Variants in GPC5 observed in about 807,000 individuals in gnomAD.
GPC5 encodes the protein glypican-5.
In GPC5, 47 loss-of-function variants were observed where a neutral mutation model predicts 53.9. The ratio of observed to expected loss-of-function variants is 0.87; its 90% CI spans 0.69 to 1.11. The LOEUF is 1.11. GPC5 is among the 50% of genes most tolerant of loss of function. GPC5 has a pLI of 0.00. For synonymous variants in GPC5, 286 were observed against 263.3 expected (o/e 1.09, Z -0.84); for missense variants, 748 against 713.1 (o/e 1.05, Z -0.56).
At chr13:91,982,483 G>GAA (rs530802836) in intron 6 of GPC5, among the ~76,000 whole-genome samples, 96 of 143,772 alleles carry the variant, frequency 6.7e-4, no homozygotes, top group African/African-American at 2.3e-3. Context: ...GTTGTTGAGT[G>GAA]AAAAAAAAAA....
intron 7 of GPC5, among the ~76,000 whole-genome samples, chr13:92,359,373 A>T (rs2043547831): frequency 1.3e-5 from 2 of 151,566 alleles, no homozygotes; most frequent in Admixed American, 6.6e-5. Flanking sequence ...TGGTCACAAC[A>T]ATTTAACAAA....
intron 6 of GPC5, among the ~76,000 whole-genome samples, chr13:92,092,574 G>A (rs1290769188): frequency 1.3e-5 from 2 of 152,064 alleles, no homozygotes; most frequent in Non-Finnish European, 2.9e-5. Flanking sequence ...ATCATTCCCA[G>A]ATTAATATAT....
At chr13:91,468,330 A>G (rs1882379206) in intron 2 of GPC5, among the ~76,000 whole-genome samples, 2 of 152,180 alleles carry the variant, frequency 1.3e-5, no homozygotes, top group South Asian at 4.1e-4. Context: ...CCACCCTGCC[A>G]AAGATATGCT....
chr13:92,302,950 T>A (rs2043085433), intron 7 of GPC5, among the ~76,000 whole-genome samples: 1 of 152,218 alleles, frequency 6.6e-6, no homozygotes, highest in Admixed American at 6.5e-5. Flanking sequence ...ATTCTTATAC[T>A]TTTTGTTTTC....
intron 7 of GPC5, among the ~76,000 whole-genome samples, chr13:92,292,889 G>C (rs2043007705): frequency 6.6e-6 from 1 of 151,982 alleles, no homozygotes; most frequent in African/African-American, 2.4e-5. Context: ...CATGTGGCTA[G>C]CCAATTATCC....
chr13:92,834,566 T>C (rs1878161053), intron 7 of GPC5, among the ~76,000 whole-genome samples: 1 of 152,140 alleles, frequency 6.6e-6, no homozygotes, highest in Non-Finnish European at 1.5e-5. Flanking sequence ...AAAAAATCAA[T>C]ACAATTCCTA....
intron 6 of GPC5, among the ~76,000 whole-genome samples, chr13:91,915,495 T>C (rs1003586259): frequency 2.0e-5 from 3 of 152,134 alleles, no homozygotes; most frequent in African/African-American, 7.2e-5. Context: ...GTAATTGTTT[T>C]GTGTTGGATA....
intron 7 of GPC5, among the ~76,000 whole-genome samples, chr13:92,386,439 G>A (rs1435762663): frequency 1.3e-5 from 2 of 152,008 alleles, no homozygotes; most frequent in Non-Finnish European, 2.9e-5. Flanking sequence ...TCTAACTATA[G>A]GGTTAAAAGG....
intron 7 of GPC5, among the ~76,000 whole-genome samples, chr13:92,197,988 G>T (rs1038145161): frequency 2.0e-5 from 3 of 152,078 alleles, no homozygotes; most frequent in Non-Finnish European, 4.4e-5. Flanking sequence ...TTGCCTCAAA[G>T]TCCTTGCACT....
intron 7 of GPC5, among the ~76,000 whole-genome samples, chr13:92,645,153 G>A (rs921514833): frequency 1.3e-5 from 2 of 152,116 alleles, no homozygotes; most frequent in Non-Finnish European, 2.9e-5. Flanking sequence ...CCCCTTTAAA[G>A]TCAATTCCTT....
chr13:91,726,210 A>T (rs1189496013), intron 3 of GPC5, among the ~76,000 whole-genome samples: 1 of 152,108 alleles, frequency 6.6e-6, no homozygotes, highest in Non-Finnish European at 1.5e-5. Context: ...CTCACTGTCA[A>T]TCATTTGCCC....
chr13:91,511,189 T>C (rs1049906253), intron 2 of GPC5, among the ~76,000 whole-genome samples: 2 of 152,206 alleles, frequency 1.3e-5, no homozygotes, highest in Non-Finnish European at 2.9e-5. Flanking sequence ...TTCGGTACTT[T>C]AAAGATGCCT....
intron 2 of GPC5, among the ~76,000 whole-genome samples, chr13:91,472,592 A>G (rs1241810591): frequency 3.3e-5 from 5 of 152,194 alleles, no homozygotes; most frequent in Non-Finnish European, 7.3e-5. Flanking sequence ...TGGGAACCCA[A>G]TTTTTTATTT....
intron 2 of GPC5, among the ~76,000 whole-genome samples, chr13:91,672,850 A>C (rs2035282246): frequency 6.6e-6 from 1 of 152,230 alleles, no homozygotes; most frequent in African/African-American, 2.4e-5. Context: ...CATCAATGAG[A>C]GCACGGATAA....
At chr13:91,864,604 A>T (rs1361561118) in intron 5 of GPC5, among the ~76,000 whole-genome samples, 1 of 152,168 alleles carries the variant, frequency 6.6e-6, no homozygotes, top group Non-Finnish European at 1.5e-5. Flanking sequence ...GCTGTGACTA[A>T]AAATGAGCAA....
intron 1 of GPC5, among the ~76,000 whole-genome samples, chr13:91,408,460 A>T (rs973843561): frequency 6.6e-6 from 1 of 152,124 alleles, no homozygotes; most frequent in African/African-American, 2.4e-5. Context: ...CTGCTGATGG[A>T]TACCTAGGTT....
intron 7 of GPC5, among the ~76,000 whole-genome samples, chr13:92,605,417 T>A (rs1371586384): frequency 6.6e-6 from 1 of 152,156 alleles, no homozygotes; most frequent in East Asian, 1.9e-4. Context: ...TAAAATAAAT[T>A]ATGTATGATG....
At chr13:92,806,576 T>C (rs1242057273) in intron 7 of GPC5, among the ~76,000 whole-genome samples, 1 of 152,100 alleles carries the variant, frequency 6.6e-6, no homozygotes, top group Non-Finnish European at 1.5e-5. Flanking sequence ...ATGAGAAATG[T>C]GTAATTCATC....
At chr13:91,490,032 T>C (rs1052998124) in intron 2 of GPC5, among the ~76,000 whole-genome samples, 1 of 152,240 alleles carries the variant, frequency 6.6e-6, no homozygotes, top group African/African-American at 2.4e-5. Context: ...CCACTTGTTC[T>C]GTATATTTAG....
Sources: allele counts gnomAD v4.1 joint callset (sites outside exome capture counted in the v4.1 genomes callset), GRCh38; gene constraint gnomAD v4.1.1; transcripts MANE v1.5; gene names NCBI Gene and HGNC (gene_info 2026-07-23, HGNC 2026-07-21).